NCAPD3: variants seen among roughly 807,000 people sequenced by gnomAD.
The protein encoded by NCAPD3 is non-SMC condensin II complex subunit D3.
A neutral mutation model predicts 182.9 loss-of-function variants in NCAPD3; 105 were observed. The observed-to-expected ratio is 0.57, with a 90% confidence interval of 0.49 to 0.68. The LOEUF (loss-of-function observed/expected upper bound fraction) is 0.68. Among genes scored for constraint, NCAPD3 ranks in the 30% least tolerant of loss-of-function variants. The pLI is 0.00. For missense variants in NCAPD3, 1,944 were observed against 1,837.0 expected (o/e 1.06, Z -1.07); for synonymous variants, 815 against 679.9 (o/e 1.20, Z -3.09).
At chr11:134,169,839 T>C (rs1943963313) in intron 24 of NCAPD3, among the ~76,000 whole-genome samples, 1 of 152,230 alleles carries the variant, frequency 6.6e-6, no homozygotes, top group African/African-American at 2.4e-5. Context: ...CAAACTAACA[T>C]GGTGCAGGAC....
Position 134,218,118 on chromosome 11 carries a change from G to A in NCAPD3, c.220-1020C>T, listed in dbSNP as rs796321663. 6.3e-5 allele frequency among the ~76,000 whole-genome samples: 7 copies of A among 111,758 alleles called. 1 individual carries two copies. Among genetic ancestry groups the A allele is most frequent in the African/African-American group, 2.0e-4 (7 of 34,284 alleles). 73.3% of individuals were successfully genotyped at this position (111,758 alleles called of 152,430 possible). ...GGTCTCAAAAAAAAAAAAGGGGGGG[G>A]GGGGAAGAAATCATCTCCTAACTTT... On this transcript the variant is annotated intron_variant, in intron 2 of 34. Coordinates refer to ENST00000534548, the MANE Select transcript of NCAPD3 (RefSeq NM_015261.3).
At chr11:134,161,740 T>G (rs1383447243) in intron 28 of NCAPD3, 41 bp downstream of exon 28, 3 of 1,190,706 alleles carry the variant, frequency 2.5e-6, no homozygotes, top group Non-Finnish European at 3.7e-6. Flanking sequence ...AGTAATGAAC[T>G]GGTAGGACAA....
chr11:134,155,029 T>C (rs1943380583), intron 32 of NCAPD3, among the ~76,000 whole-genome samples: 1 of 152,278 alleles, frequency 6.6e-6, no homozygotes, highest in Non-Finnish European at 1.5e-5. Context: ...TAGTCTCCCA[T>C]CTTTACAGAA....
In NCAPD3 at chr11:134,194,741, G is replaced by A; in HGVS notation, c.1616-3C>T. On this transcript the variant is annotated splice_polypyrimidine_tract_variant and splice_region_variant and intron_variant, in intron 13 of 34. Coordinates refer to ENST00000534548, the MANE Select transcript of NCAPD3 (RefSeq NM_015261.3). Reference sequence around the variant, plus strand: ...CAGCATTGCCATGACACATCTTTCTGTAGAGGGAATACCAAAGGGTCATCA... The same window carrying A: ...CAGCATTGCCATGACACATCTTTCTATAGAGGGAATACCAAAGGGTCATCA... The A allele has an allele frequency of 3.1e-6, 5 of 1,596,884 alleles. No individual in the cohort carries two copies. The highest frequency in any genetic ancestry group is 4.3e-6 in the Non-Finnish European group (5 of 1,170,566).
At chr11:134,214,091 T>C (rs1937935101) in intron 3 of NCAPD3, among the ~76,000 whole-genome samples, 1 of 151,774 alleles carries the variant, frequency 6.6e-6, no homozygotes, top group Admixed American at 6.6e-5. Context: ...ATTTACAGAA[T>C]ACTAGATCCA....
intron 2 of NCAPD3, 114 bp from the exon 3 acceptor site, chr11:134,217,212 G>C (rs1019021428): frequency 1.2e-6 from 1 of 866,952 alleles, no homozygotes; most frequent in Non-Finnish European, 1.6e-6. Flanking sequence ...AGAGTAGCCT[G>C]GCTCCTACTG....
At chr11:134,202,289 G>C (rs1944766020) in intron 13 of NCAPD3, among the ~76,000 whole-genome samples, 1 of 152,190 alleles carries the variant, frequency 6.6e-6, no homozygotes, top group African/African-American at 2.4e-5. Flanking sequence ...AAAGATGGGA[G>C]GGTGTTACAA....
rs149456608 is a variant in NCAPD3, at chr11:134,183,346, T to A, written c.2451+1291A>T. Among the ~76,000 whole-genome samples the A allele has an allele frequency of 1.9e-3, 285 of 152,270 alleles. 1 individual carries two copies. The highest frequency in any genetic ancestry group is 6.8e-3 in the Middle Eastern group (2 of 294). On this transcript the variant is annotated intron_variant, in intron 19 of 34. Coordinates refer to ENST00000534548, the MANE Select transcript of NCAPD3 (RefSeq NM_015261.3). ...CACTTTGGGAGGCTGAAGCAGGCGA[T>A]CACTTGAGATCAGGAGTTTGAGACC... is the stretch of plus-strand genomic sequence containing the variant.
Position 134,208,936 on chromosome 11 carries a change from T to C in NCAPD3, c.810A>G (p.Ala270=). 6.2e-7 allele frequency: 1 copy of C among 1,610,670 alleles called. No individual in the cohort carries two copies. The highest frequency in any genetic ancestry group is 8.5e-7 in the Non-Finnish European group (1 of 1,178,788). Residue 270 remains alanine (A), a synonymous_variant, in exon 7 of 35, where the codon GCA becomes GCG. Transcript: ENST00000534548. ...HVTQARALNQ[A]KYIPELAYYG... is the part of the protein sequence containing the mutation. ...AATAAGCCAGTTCTGGTATGTATTT[T>C]GCTTGGTTAAGAGCTCTAAAAAAAA...
intron 28 of NCAPD3, 35 bp from the exon 29 acceptor site, chr11:134,160,109 C>G: frequency 5.6e-6 from 9 of 1,604,890 alleles, no homozygotes; most frequent in Non-Finnish European, 7.7e-6. Context: ...TTCATGTTTT[C>G]TTGAATAAAA....
chr11:134,222,050 C>T (rs1461993892), intron 1 of NCAPD3, among the ~76,000 whole-genome samples: 1 of 152,168 alleles, frequency 6.6e-6, no homozygotes, highest in Non-Finnish European at 1.5e-5. Context: ...CTGTAAATAC[C>T]ATCAAATCTA....
intron 3 of NCAPD3, among the ~76,000 whole-genome samples, chr11:134,211,123 G>A (rs543964389): frequency 6.6e-6 from 1 of 152,306 alleles, no homozygotes; most frequent in African/African-American, 2.4e-5. Context: ...CCAGAGTGGA[G>A]TGATCTTGTT....
intron 24 of NCAPD3, chr11:134,173,336 A>T (rs898154751): frequency 2.6e-5 from 4 of 154,278 alleles, no homozygotes; most frequent in African/African-American, 9.7e-5. Context: ...CCACAGATGG[A>T]TGAAGGCTTG....
chr11:134,222,416 C>T lies in NCAPD3; in HGVS notation c.64+1447G>A, dbSNP rs530650079. Among the ~76,000 whole-genome samples the T allele has an allele frequency of 2.0e-5, 3 of 152,264 alleles. No individual in the cohort carries two copies. The East Asian group carries it at 5.8e-4, about 29-fold the overall frequency. ...ACACTTAGGATACCAAAAAAAGCAGCCTATGATAGAAGAGAGGCCACTGAA... is the reference window on the plus strand; with the variant it reads ...ACACTTAGGATACCAAAAAAAGCAGTCTATGATAGAAGAGAGGCCACTGAA... On this transcript the variant is annotated intron_variant, in intron 1 of 34. Transcript: ENST00000534548.
chr11:134,180,715 A>T (rs1944277704), intron 20 of NCAPD3, among the ~76,000 whole-genome samples: 1 of 152,210 alleles, frequency 6.6e-6, no homozygotes, highest in South Asian at 2.1e-4. Context: ...AAATTTTTAA[A>T]AAAGCAAACA....
intron 28 of NCAPD3, among the ~76,000 whole-genome samples, chr11:134,161,257 C>T (rs904969454): frequency 4.6e-5 from 7 of 152,076 alleles, no homozygotes; most frequent in Admixed American, 2.6e-4. Context: ...CACTTAGGTC[C>T]GCCCTGCAAG....
chr11:134,176,396 G>C lies in NCAPD3; in HGVS notation c.3022-10C>G, dbSNP rs770765526. The C allele has an allele frequency of 1.2e-6, 2 of 1,612,836 alleles. No individual in the cohort carries two copies. The highest frequency in any genetic ancestry group is 1.7e-6 in the Non-Finnish European group (2 of 1,179,038). The stretch of plus-strand genomic sequence containing the variant: ...ATTTCACAAATTCCTCCTGTGCAGA[G>C]AGAAGCCGGCATGTTTCAGAGTGCG... On this transcript the variant is annotated splice_polypyrimidine_tract_variant and intron_variant, in intron 23 of 34. Transcript: ENST00000534548.
intron 1 of NCAPD3, among the ~76,000 whole-genome samples, chr11:134,222,515 A>G (rs1938269261): frequency 6.6e-6 from 1 of 152,250 alleles, no homozygotes; most frequent in Non-Finnish European, 1.5e-5. Flanking sequence ...ATCATTGGAA[A>G]TACAGGATTT....
Position 134,158,075 on chromosome 11 carries a change from G to T in NCAPD3, c.4035-8C>A. ...GTGCTCAGGGACATGGGCCTGTGGA[G>T]AACAGCCACAGCCGCTGACTTTCTC... is the stretch of plus-strand genomic sequence containing the variant. On this transcript the variant is annotated splice_region_variant and splice_polypyrimidine_tract_variant and intron_variant, in intron 30 of 34. Transcript: ENST00000534548. 2 of 1,612,114 alleles carry T rather than the reference G, an allele frequency of 1.2e-6. No homozygotes were observed. The highest frequency in any genetic ancestry group is 1.7e-6 in the Non-Finnish European group (2 of 1,178,998).
Sources: allele counts gnomAD v4.1 joint callset (sites outside exome capture counted in the v4.1 genomes callset), GRCh38; gene constraint gnomAD v4.1.1; transcripts MANE v1.5; gene names NCBI Gene and HGNC (gene_info 2026-07-23, HGNC 2026-07-21).